The following WWOX variants were observed in gnomAD, a reference collection of about 807,000 sequenced individuals.
The protein encoded by WWOX is WW domain-containing oxidoreductase.
Under a neutral mutation model 46.2 loss-of-function variants are expected in WWOX, and 69 were observed. The observed-to-expected ratio is 1.49, with a 90% CI of 1.23 to 1.82. WWOX has a LOEUF of 1.82. WWOX is among the 40% of genes most tolerant of loss of function. The probability of loss-of-function intolerance (pLI) is 0.00; values close to 1 mark genes in which losing one functional copy is unlikely to be tolerated. For synonymous variants in WWOX, 359 were observed against 202.6 expected (o/e 1.77, Z -6.56); for missense variants, 919 against 542.6 (o/e 1.69, Z -6.89).
At chr16:79,057,682 G>A (rs1410822040) in intron 8 of WWOX, among the ~76,000 whole-genome samples, 1 of 152,078 alleles carries the variant, frequency 6.6e-6, no homozygotes, top group Admixed American at 6.6e-5. Flanking sequence ...GGCCTACTAT[G>A]GTATTACAGG....
intron 8 of WWOX, 137 bp downstream of exon 8, chr16:78,432,889 C>T: frequency 7.5e-7 from 1 of 1,339,570 alleles, no homozygotes; most frequent in Non-Finnish European, 1.1e-6. Flanking sequence ...ATAAAGGGCT[C>T]TTGAACACAT....
At chr16:79,097,555 A>G (rs1199085657) in intron 8 of WWOX, among the ~76,000 whole-genome samples, 1 of 152,180 alleles carries the variant, frequency 6.6e-6, no homozygotes, top group Non-Finnish European at 1.5e-5. Context: ...TGTTTGTATT[A>G]GGAAAAAACA....
chr16:79,197,968 C>T (rs917362781), intron 8 of WWOX, among the ~76,000 whole-genome samples: 3 of 152,134 alleles, frequency 2.0e-5, no homozygotes, highest in Non-Finnish European at 2.9e-5. Context: ...TATAAATCTT[C>T]CCTTATGTGT....
intron 8 of WWOX, among the ~76,000 whole-genome samples, chr16:78,950,806 T>G (rs753134657): frequency 2.6e-5 from 4 of 152,166 alleles, no homozygotes; most frequent in Non-Finnish European, 5.9e-5. Context: ...AACTTGAAGG[T>G]TGGCACCTTT....
rs77208891 is a variant in WWOX at position 78,636,891 on chromosome 16, C to T, written c.1056+204139C>T. On this transcript the variant is annotated intron_variant, in intron 8 of 8. Transcript: ENST00000566780. ...TCATTTAAAGACCAATTGTTAAGGACCAATCTGAGGGCCTGTGCATTAGTT... is the reference window on the plus strand; with the variant it reads ...TCATTTAAAGACCAATTGTTAAGGATCAATCTGAGGGCCTGTGCATTAGTT... 9.2e-5 allele frequency among the ~76,000 whole-genome samples: 14 copies of T among 152,268 alleles called. No homozygotes were observed. The East Asian group carries it at 2.7e-3, about 29-fold the overall frequency.
intron 8 of WWOX, among the ~76,000 whole-genome samples, chr16:78,622,574 C>A (rs1043846457): frequency 6.6e-6 from 1 of 151,326 alleles, no homozygotes; most frequent in Non-Finnish European, 1.5e-5. Context: ...CTTGTAGTTT[C>A]TTCCTCTGTT....
intron 8 of WWOX, among the ~76,000 whole-genome samples, chr16:79,065,963 C>G (rs966083051): frequency 2.6e-5 from 4 of 152,206 alleles, no homozygotes; most frequent in East Asian, 3.9e-4. Flanking sequence ...TAGCTCATGT[C>G]TCTCCTCTTT....
chr16:78,959,772 C>G (rs1045519365), intron 8 of WWOX, among the ~76,000 whole-genome samples: 1 of 152,142 alleles, frequency 6.6e-6, no homozygotes, highest in African/African-American at 2.4e-5. Flanking sequence ...GAATCCGAGA[C>G]AAGTGAGGGA....
At chr16:78,748,322 A>G (rs1222415677) in intron 8 of WWOX, among the ~76,000 whole-genome samples, 1 of 152,234 alleles carries the variant, frequency 6.6e-6, no homozygotes, top group Non-Finnish European at 1.5e-5. Flanking sequence ...CTCTATGCAA[A>G]TAATTACTGT....
At chr16:79,117,289 G>A (rs1420123243) in intron 8 of WWOX, among the ~76,000 whole-genome samples, 2 of 152,084 alleles carry the variant, frequency 1.3e-5, no homozygotes, top group African/African-American at 4.8e-5. Context: ...AATTACAGGT[G>A]TGAGCCACCA....
chr16:79,121,134 A>G (rs1341630116), intron 8 of WWOX, among the ~76,000 whole-genome samples: 2 of 152,190 alleles, frequency 1.3e-5, no homozygotes, highest in Non-Finnish European at 2.9e-5. Flanking sequence ...ATCCAGAACT[A>G]TCGTATCAAA....
Position 78,634,837 on chromosome 16 carries a change from A to AGAGAGAGAGAGT in WWOX, c.1056+202086_1056+202087insAGAGAGAGAGTG, listed in dbSNP as rs1346762709. On this transcript the variant is annotated intron_variant, in intron 8 of 8. Transcript: ENST00000566780. ...GAGAGAGAGAGAGAGAGAGAGAGAG[A>AGAGAGAGAGAGT]GTGTGTGTGTGTGTGTGTGTGTGTG... Among the ~76,000 whole-genome samples the AGAGAGAGAGAGT allele has an allele frequency of 3.2e-3, 360 of 111,762 alleles. 1 individual carries two copies. Among genetic ancestry groups the AGAGAGAGAGAGT allele is most frequent in the Non-Finnish European group, 5.0e-3 (267 of 52,932 alleles). The allele number at this position is 111,762 out of a possible 152,430, so 73.3% of individuals were successfully genotyped here. A position where few individuals can be genotyped will look rare whatever the true frequency, so the allele number is the denominator to read the frequency against.
intron 8 of WWOX, among the ~76,000 whole-genome samples, chr16:78,951,359 C>T (rs530596728): frequency 1.8e-4 from 27 of 152,182 alleles, no homozygotes; most frequent in African/African-American, 3.6e-4. Flanking sequence ...AAGAGTCCCA[C>T]GGCTGACTCT....
chr16:78,194,229 T>G (rs2035976011), intron 5 of WWOX, among the ~76,000 whole-genome samples: 1 of 152,110 alleles, frequency 6.6e-6, no homozygotes, highest in Non-Finnish European at 1.5e-5. Flanking sequence ...TACAGTGATG[T>G]TTTGCAGACA....
chr16:79,074,142 T>C lies in WWOX; in HGVS notation c.1057-137466T>C, dbSNP rs116737120. On this transcript the variant is annotated intron_variant, in intron 8 of 8. Coordinates refer to ENST00000566780, the MANE Select transcript of WWOX (RefSeq NM_016373.4). ...ACTAGAATGTTGACGTTAAAGCAGT[T>C]AGAGTTCGAGCAGGCAACTCCGACC... 3.4e-3 allele frequency among the ~76,000 whole-genome samples: 515 copies of C among 152,236 alleles called. 4 individuals carry two copies. Among genetic ancestry groups the C allele is most frequent in the African/African-American group, 0.012 (495 of 41,548 alleles).
chr16:78,865,991 C>T (rs940824564), intron 8 of WWOX, among the ~76,000 whole-genome samples: 1 of 152,196 alleles, frequency 6.6e-6, no homozygotes, highest in Non-Finnish European at 1.5e-5. Context: ...TGATCACATA[C>T]TACGCAGAAA....
intron 8 of WWOX, among the ~76,000 whole-genome samples, chr16:78,792,356 G>C (rs73575628): frequency 6.6e-6 from 1 of 152,068 alleles, no homozygotes; most frequent in Non-Finnish European, 1.5e-5. Flanking sequence ...CCTTTTCATG[G>C]TTAAAGGTAG....
At chr16:78,518,448 T>A (rs2151495116) in intron 8 of WWOX, among the ~76,000 whole-genome samples, 1 of 152,246 alleles carries the variant, frequency 6.6e-6, no homozygotes, top group Non-Finnish European at 1.5e-5. Context: ...CGTGAACTCC[T>A]GACCTCAAGT....
intron 8 of WWOX, among the ~76,000 whole-genome samples, chr16:78,465,915 A>C (rs998711199): frequency 6.6e-6 from 1 of 152,244 alleles, no homozygotes; most frequent in Non-Finnish European, 1.5e-5. Flanking sequence ...TATTCCATTT[A>C]TATAAAATAT....
Sources: allele counts gnomAD v4.1 joint callset (sites outside exome capture counted in the v4.1 genomes callset), GRCh38; gene constraint gnomAD v4.1.1; transcripts MANE v1.5; gene names NCBI Gene and HGNC (gene_info 2026-07-23, HGNC 2026-07-21).